Variants in ZFHX3 observed in about 807,000 individuals in gnomAD.
The protein encoded by ZFHX3 is zinc finger homeobox protein 3.
Under a neutral mutation model 279.1 loss-of-function variants are expected in ZFHX3, and 42 were observed. That is an observed-to-expected ratio of 0.15 (90% CI 0.12 to 0.19). The LOEUF is 0.19. ZFHX3 is among the 10% of genes least tolerant of loss of function. The pLI, the probability that ZFHX3 is intolerant of heterozygous loss-of-function variation, is 1.00. For missense variants in ZFHX3, 4,981 were observed against 4,754.0 expected, an observed-to-expected ratio of 1.05 and a Z score of -1.40; for synonymous variants, 2,293 against 1,957.8, an observed-to-expected ratio of 1.17 and a Z score of -4.52.
intron 3 of ZFHX3, among the ~76,000 whole-genome samples, chr16:72,904,354 G>A (rs993129086): frequency 6.6e-6 from 1 of 150,556 alleles, no homozygotes; most frequent in African/African-American, 2.5e-5. Flanking sequence ...GCAACAGAGT[G>A]AGATTCTGTC....
intron 5 of ZFHX3, among the ~76,000 whole-genome samples, chr16:73,248,147 T>C (rs932097195): frequency 8.1e-5 from 12 of 148,252 alleles, no homozygotes; most frequent in South Asian, 2.1e-4. Flanking sequence ...ATGTGTGTGT[T>C]TGTCTATGTG....
intron 2 of ZFHX3, among the ~76,000 whole-genome samples, chr16:73,543,325 T>C (rs2020050372): frequency 6.6e-6 from 1 of 152,242 alleles, no homozygotes; most frequent in South Asian, 2.1e-4. Flanking sequence ...TTTATGCACT[T>C]TCTTCCAGTA....
chr16:73,629,653 A>G (rs1030904832), intron 2 of ZFHX3, among the ~76,000 whole-genome samples: 1 of 152,088 alleles, frequency 6.6e-6, no homozygotes, highest in African/African-American at 2.4e-5. Flanking sequence ...TTAAAAAAAA[A>G]GAAAGAAAGA....
At chr16:73,326,553 G>A (rs1203242213) in intron 3 of ZFHX3, among the ~76,000 whole-genome samples, 1 of 152,196 alleles carries the variant, frequency 6.6e-6, no homozygotes, top group Non-Finnish European at 1.5e-5. Flanking sequence ...GCAATGCCAA[G>A]AATAGGCAAA....
At chr16:73,014,393 A>G (rs1284769323) in intron 1 of ZFHX3, 2 of 151,254 alleles carry the variant, frequency 1.3e-5, no homozygotes, top group Non-Finnish European at 2.9e-5. Context: ...GTAATATTCT[A>G]TGCACACATC....
rs1031649542 is a variant in ZFHX3, at chr16:73,006,884, TA to T, written c.-50+40867del. ...ATTACTTATAACACCTAATGCAATGTAAATGCTATATAAATATTTGTTAAAC... is the reference window on the plus strand; with the variant it reads ...ATTACTTATAACACCTAATGCAATGTAATGCTATATAAATATTTGTTAAAC... On this transcript the variant is annotated intron_variant, in intron 1 of 9. Coordinates refer to ENST00000268489, the MANE Select transcript of ZFHX3 (RefSeq NM_006885.4). Among the ~76,000 whole-genome samples the T allele has an allele frequency of 7.3e-4, 111 of 152,338 alleles. 1 individual carries two copies. The highest frequency in any genetic ancestry group is 2.6e-3 in the African/African-American group (109 of 41,582).
chr16:73,683,005 A>G (rs1411764811), intron 1 of ZFHX3, among the ~76,000 whole-genome samples: 1 of 85,558 alleles, frequency 1.2e-5, no homozygotes, highest in African/African-American at 3.0e-5. Context: ...GAAAGAAAGA[A>G]AGAAAGAGAA....
chr16:72,960,209 C>G lies in ZFHX3; in HGVS notation c.-49-15G>C. The G allele has an allele frequency of 1.3e-5, 19 of 1,440,420 alleles. No homozygotes were observed. The highest frequency in any genetic ancestry group is 8.3e-5 in the South Asian group (5 of 59,906). The allele number at this position is 1,440,420 out of a possible 1,614,324, so 89.2% of individuals were successfully genotyped here. On this transcript the variant is annotated splice_polypyrimidine_tract_variant and intron_variant, in intron 1 of 9. Coordinates refer to ENST00000268489, the MANE Select transcript of ZFHX3 (RefSeq NM_006885.4). ...GAGGCTCGGACCTGAAGGGCAGAGG[C>G]AAGGGGGGAGGAGGGAGAGAGGGGA...
chr16:73,795,293 T>C (rs1325631636), intron 1 of ZFHX3, among the ~76,000 whole-genome samples: 2 of 152,246 alleles, frequency 1.3e-5, no homozygotes, highest in African/African-American at 2.4e-5. Flanking sequence ...ATTGCTTGAA[T>C]AGAGCAGATT....
At chr16:73,443,361 G>A (rs1292754064) in intron 3 of ZFHX3, among the ~76,000 whole-genome samples, 1 of 152,162 alleles carries the variant, frequency 6.6e-6, no homozygotes, top group Non-Finnish European at 1.5e-5. Context: ...CCCACTCAGA[G>A]AATAATCAGA....
intron 2 of ZFHX3, among the ~76,000 whole-genome samples, chr16:73,605,455 C>T (rs2052167776): frequency 6.6e-6 from 1 of 152,178 alleles, no homozygotes; most frequent in Non-Finnish European, 1.5e-5. Context: ...TCCACCACAT[C>T]CCCATTTCTA....
chr16:73,652,271 C>G (rs1038516252), intron 2 of ZFHX3, among the ~76,000 whole-genome samples: 4 of 152,136 alleles, frequency 2.6e-5, no homozygotes, highest in Non-Finnish European at 5.9e-5. Context: ...AAGGAGAGAA[C>G]ACTTTGGCTT....
At position 72,957,835 on chromosome 16, in the gene ZFHX3, C is replaced by T. The variant is rs746690503; in HGVS notation, c.2311G>A (p.Gly771Arg). Residue 771 changes from glycine (G) to arginine (R), a missense_variant, in exon 2 of 10, where the codon GGG (glycine) becomes AGG (arginine). Physicochemically the swap from Gly to Arg is moderately radical, Grantham distance 125 (BLOSUM62 -2). Around this residue, in one of 7 missense-constraint regions of ZFHX3, gnomAD observed 1,751 missense variants for 1,770.0 expected, o/e 0.99. Coordinates refer to ENST00000268489, the MANE Select transcript of ZFHX3 (RefSeq NM_006885.4). ...GCAGCCACCGCCGCCGCCGCCGCCC[C>T]GGCAGTGTGGCTGAAGACCTGCTCC... ...GGEQVFSHTAGAAAAAVAAAA... is the reference protein window; with the variant it reads ...GGEQVFSHTARAAAAAVAAAA... The T allele has an allele frequency of 1.7e-5, 27 of 1,612,740 alleles. No homozygotes were observed. The highest frequency in any genetic ancestry group is 2.2e-5 in the East Asian group (1 of 44,828).
chr16:72,787,792 A>T lies in ZFHX3; in HGVS notation c.10484T>A (p.Val3495Glu), dbSNP rs369379052. The stretch of plus-strand genomic sequence containing the variant: ...GTGAAGCACCATCTCTTGCAGGTTC[A>T]CCACAGACTGGCCGAAGAAGCAGAG... ...KSLCFFGQSV[V>E]NLQEMVLHVP... Residue 3495 changes from valine to glutamate, a missense_variant, in exon 10 of 10, where the codon GTG (valine) becomes GAG (glutamate). By Grantham distance (121) the Val-to-Glu change is moderately radical (BLOSUM62 -2). Coordinates refer to ENST00000268489, the MANE Select transcript of ZFHX3 (RefSeq NM_006885.4). 21 of 1,611,382 alleles carry T rather than the reference A, an allele frequency of 1.3e-5. No individual in the cohort carries two copies. Among genetic ancestry groups the T allele is most frequent in the Admixed American group, 1.7e-5 (1 of 59,796 alleles).
At chr16:73,270,503 C>T (rs1326597346) in intron 4 of ZFHX3, among the ~76,000 whole-genome samples, 1 of 152,212 alleles carries the variant, frequency 6.6e-6, no homozygotes, top group African/African-American at 2.4e-5. Context: ...CAGGGTCAAA[C>T]ACAACAGCAG....
At chr16:73,061,861 G>C (rs1965688245), upstream of ZFHX3, 1 of 152,150 alleles carries the variant, frequency 6.6e-6, no homozygotes, top group Non-Finnish European at 1.5e-5. Context: ...ACGGTGCGGA[G>C]GAAGTCAGTA....
intron 3 of ZFHX3, among the ~76,000 whole-genome samples, chr16:73,379,492 CCTAA>C (rs1356145471): frequency 6.6e-6 from 1 of 152,178 alleles, no homozygotes; most frequent in Non-Finnish European, 1.5e-5. Flanking sequence ...AGGCAGGCTA[CCTAA>C]CTCTCTTCAC....
chr16:73,164,459 G>C (rs1967311056), intron 5 of ZFHX3, among the ~76,000 whole-genome samples: 1 of 152,092 alleles, frequency 6.6e-6, no homozygotes, highest in Non-Finnish European at 1.5e-5. Context: ...CAGCACTTTG[G>C]GAGGCCAAGG....
chr16:73,671,824 T>A (rs1268905901), intron 2 of ZFHX3, among the ~76,000 whole-genome samples: 1 of 152,204 alleles, frequency 6.6e-6, no homozygotes, highest in Non-Finnish European at 1.5e-5. Context: ...CATTTAGTTT[T>A]AAATATCATA....
Sources: gnomAD v4.1 joint callset for allele counts (sites outside exome capture counted in the v4.1 genomes callset) on GRCh38, gnomAD v4.1.1 for gene constraint, gnomAD v4.1.1 regional missense constraint, MANE v1.5 for transcripts, NCBI Gene and HGNC (gene_info 2026-07-23, HGNC 2026-07-21) for gene names.